STK39: variants seen among roughly 807,000 people sequenced by gnomAD.
STK39 encodes the protein serine/threonine kinase 39, also known as STE20/SPS1-related proline-alanine-rich protein kinase.
Under a neutral mutation model 77.8 loss-of-function variants are expected in STK39, and 20 were observed. The observed-to-expected ratio is 0.26, with a 90% confidence interval of 0.18 to 0.37. The LOEUF is 0.37. Ranked by LOEUF, STK39 falls within the 10% of genes least tolerant of loss-of-function variation. The pLI, the probability that STK39 is intolerant of heterozygous loss-of-function variation, is 1.00. For synonymous variants in STK39, 246 were observed against 234.1 expected (o/e 1.05, Z -0.47); for missense variants, 479 against 656.5 (o/e 0.73, Z 2.95).
At position 168,018,520 on chromosome 2, in the gene STK39, AAAAGAAAG is replaced by A. The variant is rs1228481683; in HGVS notation, c.1377-1433_1377-1426del. ...TTTTAAGAAAAGAAAGAAAAGAAAG[AAAAGAAAG>A]AAAAGAAAGAAAAGAAAGAAAGAAA... On this transcript the variant is annotated intron_variant, in intron 14 of 17. Coordinates refer to ENST00000355999, the MANE Select transcript of STK39 (RefSeq NM_013233.3). 8.3e-3 allele frequency among the ~76,000 whole-genome samples: 938 copies of A among 112,560 alleles called. 20 individuals are homozygous for A. The highest frequency in any genetic ancestry group is 0.033 in the African/African-American group (877 of 26,888). The allele number at this position is 112,560 out of a possible 152,430, so 73.8% of individuals were successfully genotyped here. A position where few individuals can be genotyped will look rare whatever the true frequency, so the allele number is the denominator to read the frequency against.
chr2:168,207,530 T>C lies in STK39; in HGVS notation c.209-25440A>G, dbSNP rs941614536. Among the ~76,000 whole-genome samples, 5 of 152,302 alleles carry C rather than the reference T, an allele frequency of 3.3e-5. No homozygotes were observed. The South Asian group carries it at 1.0e-3, about 32-fold the overall frequency. On this transcript the variant is annotated intron_variant, in intron 1 of 17. Coordinates refer to ENST00000355999, the MANE Select transcript of STK39 (RefSeq NM_013233.3). ...ATATCCACTGCCCTATGGGATGTAC[T>C]CAAGTATATTCACACACAAAGAATA...
At chr2:168,089,982 A>C (rs984806258) in intron 10 of STK39, among the ~76,000 whole-genome samples, 2 of 152,232 alleles carry the variant, frequency 1.3e-5, no homozygotes, top group African/African-American at 2.4e-5. Context: ...TGAAACTGCC[A>C]TTAAGTTTTT....
intron 10 of STK39, among the ~76,000 whole-genome samples, chr2:168,087,971 C>A (rs755956444): frequency 6.6e-5 from 10 of 152,048 alleles, no homozygotes; most frequent in Non-Finnish European, 7.4e-5. Flanking sequence ...GGTTAAACAT[C>A]ATTTATGTTA....
At chr2:168,006,269 T>G (rs1020060401) in intron 16 of STK39, among the ~76,000 whole-genome samples, 1 of 152,206 alleles carries the variant, frequency 6.6e-6, no homozygotes, top group African/African-American at 2.4e-5. Context: ...TAGGAGTCGG[T>G]AAGCAGGCCA....
At chr2:168,128,066 C>A (rs548343544) in intron 10 of STK39, among the ~76,000 whole-genome samples, 9 of 152,200 alleles carry the variant, frequency 5.9e-5, no homozygotes, top group Middle Eastern at 3.4e-3. Flanking sequence ...GGCCACTTAA[C>A]AAGGAGCTGG....
intron 14 of STK39, among the ~76,000 whole-genome samples, chr2:168,030,843 T>C (rs955287890): frequency 1.3e-5 from 2 of 152,204 alleles, no homozygotes; most frequent in African/African-American, 2.4e-5. Flanking sequence ...ATAAAATACA[T>C]AGTTGCACAG....
At chr2:168,129,667 A>T (rs749766069) in intron 9 of STK39, 43 bp downstream of exon 9, 22 of 1,614,018 alleles carry the variant, frequency 1.4e-5, no homozygotes, top group Non-Finnish European at 1.8e-5. Flanking sequence ...ATACACAGTG[A>T]TTTCAAAAAT....
intron 1 of STK39, among the ~76,000 whole-genome samples, chr2:168,202,097 C>T (rs1291491635): frequency 6.6e-6 from 1 of 152,154 alleles, no homozygotes; most frequent in African/African-American, 2.4e-5. Context: ...AGGATTTCTC[C>T]AAGTGTTATC....
chr2:168,154,107 T>C (rs1025495298), intron 5 of STK39, among the ~76,000 whole-genome samples: 7 of 152,158 alleles, frequency 4.6e-5, no homozygotes, highest in African/African-American at 1.7e-4. Context: ...TGGTCAACCA[T>C]AGGATTTACT....
chr2:168,247,367 C>G lies in STK39; in HGVS notation c.69G>C (p.Ala23=), dbSNP rs1690958963. 1.1e-5 allele frequency: 11 copies of G among 998,168 alleles called. No individual in the cohort carries two copies. Among genetic ancestry groups the G allele is most frequent in the Non-Finnish European group, 1.4e-5 (11 of 809,760 alleles). The allele number at this position is 998,168 out of a possible 1,614,324, so 61.8% of individuals were successfully genotyped here. A position where few individuals can be genotyped will look rare whatever the true frequency, so the allele number is the denominator to read the frequency against. Residue 23 remains alanine (A), a synonymous_variant, in exon 1 of 18, where the codon GCG becomes GCC. Coordinates refer to ENST00000355999, the MANE Select transcript of STK39 (RefSeq NM_013233.3). ...TCGCGGCCGCCGGGGCCGCCGCCGC[C>G]GCCGCTGTCACCGGGGCCGCCTGCT... ...LPQQAAPVTA[A]AAAAPAAATA...
chr2:168,116,082 C>T (rs1274950732), intron 10 of STK39, among the ~76,000 whole-genome samples: 2 of 152,148 alleles, frequency 1.3e-5, no homozygotes, highest in Non-Finnish European at 2.9e-5. Context: ...AAAGCTTGGT[C>T]TTAACCTTCA....
chr2:168,224,914 T>C (rs1311596380), intron 1 of STK39, among the ~76,000 whole-genome samples: 2 of 152,190 alleles, frequency 1.3e-5, no homozygotes, highest in African/African-American at 4.8e-5. Context: ...TCAAATCAGA[T>C]TACATTTCAA....
At chr2:167,986,027 A>T (rs187369964) in intron 16 of STK39, among the ~76,000 whole-genome samples, 1 of 152,204 alleles carries the variant, frequency 6.6e-6, no homozygotes, top group African/African-American at 2.4e-5. Flanking sequence ...AGTCTCCACT[A>T]ATATTTCTCT....
intron 1 of STK39, among the ~76,000 whole-genome samples, chr2:168,196,853 A>G (rs1438467189): frequency 6.6e-6 from 1 of 152,124 alleles, no homozygotes; most frequent in Non-Finnish European, 1.5e-5. Context: ...GATAGGAATG[A>G]TTTTGGAGAG....
chr2:168,146,723 A>C (rs1044588527), intron 5 of STK39, among the ~76,000 whole-genome samples: 2 of 152,222 alleles, frequency 1.3e-5, no homozygotes, highest in Non-Finnish European at 2.9e-5. Flanking sequence ...GAAGAACAAC[A>C]TTTGGAAAAA....
intron 12 of STK39, among the ~76,000 whole-genome samples, chr2:168,072,332 T>G (rs1213646017): frequency 6.6e-6 from 1 of 152,166 alleles, no homozygotes; most frequent in Non-Finnish European, 1.5e-5. Flanking sequence ...AAAAGCGGTC[T>G]TTCAGTTTTT....
At chr2:168,232,861 G>A (rs566124919) in intron 1 of STK39, among the ~76,000 whole-genome samples, 1 of 151,896 alleles carries the variant, frequency 6.6e-6, no homozygotes, top group South Asian at 2.1e-4. Context: ...GCAGCGAGCC[G>A]AGATCGCGCC....
At chr2:167,979,316 A>G (rs766093208) in intron 16 of STK39, among the ~76,000 whole-genome samples, 91 of 152,338 alleles carry the variant, frequency 6.0e-4, no homozygotes, top group African/African-American at 2.1e-3. Context: ...AGTTCTATAC[A>G]TTAGAACTTA....
At chr2:168,242,623 CCT>C (rs1469522651) in intron 1 of STK39, among the ~76,000 whole-genome samples, 5 of 142,448 alleles carry the variant, frequency 3.5e-5, no homozygotes, top group African/African-American at 1.3e-4. Flanking sequence ...GTGGCTCACG[CCT>C]GTAATCCCAA....
Sources: allele counts gnomAD v4.1 joint callset (sites outside exome capture counted in the v4.1 genomes callset), GRCh38; gene constraint gnomAD v4.1.1; transcripts MANE v1.5; gene names NCBI Gene and HGNC (gene_info 2026-07-23, HGNC 2026-07-21).